TNFAIP8: variants seen among roughly 807,000 people sequenced by gnomAD.
The protein encoded by TNFAIP8 is TNF alpha induced protein 8.
In TNFAIP8, 7 loss-of-function variants were observed where a neutral mutation model predicts 13.3. That is an observed-to-expected ratio of 0.52 (90% CI 0.30 to 0.99). The LOEUF is 0.99. Ranked by LOEUF, TNFAIP8 falls within the 50% of genes least tolerant of loss-of-function variation. The pLI is 0.07. For synonymous variants in TNFAIP8, 94 were observed against 87.6 expected (o/e 1.07, Z -0.41); for missense variants, 258 against 236.9 (o/e 1.09, Z -0.58).
chr5:119,387,576 T>A (rs931783680), intron 1 of TNFAIP8, among the ~76,000 whole-genome samples: 4 of 152,242 alleles, frequency 2.6e-5, no homozygotes, highest in African/African-American at 9.6e-5. Flanking sequence ...GGCATTTTTG[T>A]TAATTTTCAT....
intron 1 of TNFAIP8, among the ~76,000 whole-genome samples, chr5:119,345,523 TAAA>T (rs1750869299): frequency 6.6e-6 from 1 of 152,098 alleles, no homozygotes; most frequent in Non-Finnish European, 1.5e-5. Context: ...CACCCAGCCT[TAAA>T]AAGGAAGAAA....
At chr5:119,302,293 A>G (rs1749420305) in intron 1 of TNFAIP8, among the ~76,000 whole-genome samples, 1 of 152,226 alleles carries the variant, frequency 6.6e-6, no homozygotes. Context: ...ACCTCAAGAA[A>G]CTTACATTCC....
intron 1 of TNFAIP8, among the ~76,000 whole-genome samples, chr5:119,349,782 G>C (rs1473398018): frequency 6.6e-6 from 1 of 152,238 alleles, no homozygotes. Context: ...CAAGTCATTT[G>C]AACAGAGAGA....
chr5:119,309,905 A>G (rs2112668318), intron 1 of TNFAIP8, among the ~76,000 whole-genome samples: 1 of 152,316 alleles, frequency 6.6e-6, no homozygotes, highest in East Asian at 1.9e-4. Context: ...TAGTCAAGTC[A>G]TTTGCTTCTT....
chr5:119,351,801 T>A (rs1468463991), upstream of TNFAIP8, among the ~76,000 whole-genome samples: 2 of 149,804 alleles, frequency 1.3e-5, no homozygotes, highest in African/African-American at 5.0e-5. Flanking sequence ...TTTTTCTTTT[T>A]TTTTTTGAGA....
intron 1 of TNFAIP8, among the ~76,000 whole-genome samples, chr5:119,271,044 C>T (rs191176903): frequency 1.3e-5 from 2 of 152,266 alleles, no homozygotes; most frequent in East Asian, 1.9e-4. Context: ...TATTGCTAGA[C>T]ATAGTCTTTG....
chr5:119,296,805 C>T (rs1172994181), intron 1 of TNFAIP8, among the ~76,000 whole-genome samples: 1 of 151,912 alleles, frequency 6.6e-6, no homozygotes, highest in Non-Finnish European at 1.5e-5. Flanking sequence ...AATTTCAGAG[C>T]CTGTTATTGG....
At chr5:119,309,274 A>C (rs1194802442) in intron 1 of TNFAIP8, among the ~76,000 whole-genome samples, 1 of 152,236 alleles carries the variant, frequency 6.6e-6, no homozygotes, top group Non-Finnish European at 1.5e-5. Flanking sequence ...GTGCCTCTGC[A>C]TCTCTGAATG....
chr5:119,326,039 T>C (rs890057024), intron 1 of TNFAIP8, among the ~76,000 whole-genome samples: 1 of 152,218 alleles, frequency 6.6e-6, no homozygotes, highest in Non-Finnish European at 1.5e-5. Context: ...TTTTTCCCAC[T>C]GAATGTCAGT....
chr5:119,293,235 G>C (rs559421781), intron 1 of TNFAIP8, among the ~76,000 whole-genome samples: 1 of 151,928 alleles, frequency 6.6e-6, no homozygotes, highest in South Asian at 2.1e-4. Context: ...TACTCTTCTA[G>C]TAGTTTTCAA....
intron 1 of TNFAIP8, among the ~76,000 whole-genome samples, chr5:119,363,083 A>G (rs1751695744): frequency 6.6e-6 from 1 of 152,206 alleles, no homozygotes; most frequent in South Asian, 2.1e-4. Context: ...AGAGAGGTAG[A>G]TGGAACCAAT....
intron 1 of TNFAIP8, among the ~76,000 whole-genome samples, chr5:119,331,260 G>A (rs1750370087): frequency 6.7e-6 from 1 of 150,278 alleles, no homozygotes; most frequent in Non-Finnish European, 1.5e-5. Context: ...TAAACATAAG[G>A]CTATTCTGTA....
rs769061907 is a variant in TNFAIP8 at position 119,268,931 on chromosome 5, G to C, written c.1+24G>C. ...GAGTAAGTGGCTCCTGGGCGCGCCC[G>C]TCCCGCGCACACTCCAGCGCGCCTC... On this transcript the variant is annotated intron_variant, in intron 1 of 1. Coordinates refer to the TNFAIP8 transcript ENST00000274456. The C allele has an allele frequency of 5.4e-5, 38 of 697,410 alleles. 1 individual carries two copies. In the South Asian group the frequency reaches 5.5e-4, roughly 10 times the overall value. The allele number at this position is 697,410 out of a possible 1,614,324, so 43.2% of individuals were successfully genotyped here. A position where few individuals can be genotyped will look rare whatever the true frequency, so the allele number is the denominator to read the frequency against.
At chr5:119,342,385 T>C (rs920427373) in intron 1 of TNFAIP8, among the ~76,000 whole-genome samples, 1 of 152,232 alleles carries the variant, frequency 6.6e-6, no homozygotes, top group African/African-American at 2.4e-5. Flanking sequence ...ACGAAAATTC[T>C]TGCAAATGTG....
At chr5:119,322,051 CTTCCCTATAGATTG>C (rs1581603148) in intron 1 of TNFAIP8, among the ~76,000 whole-genome samples, 3 of 152,296 alleles carry the variant, frequency 2.0e-5, no homozygotes. Context: ...CTGGAAGCCC[CTTCCCTATAGATTG>C]TTCCTTGGCT....
chr5:119,331,251 A>G (rs1229171298), intron 1 of TNFAIP8, among the ~76,000 whole-genome samples: 1 of 145,250 alleles, frequency 6.9e-6, no homozygotes, highest in South Asian at 2.2e-4. Flanking sequence ...TTTTTTTTTT[A>G]AACATAAGGC....
intron 1 of TNFAIP8, among the ~76,000 whole-genome samples, chr5:119,371,993 C>T (rs1017208362): frequency 1.3e-5 from 2 of 151,878 alleles, no homozygotes; most frequent in Admixed American, 6.6e-5. Flanking sequence ...AAAAATTAGC[C>T]GGGCGTGGTG....
intron 1 of TNFAIP8, among the ~76,000 whole-genome samples, chr5:119,376,971 T>G (rs1055166989): frequency 6.6e-6 from 1 of 152,238 alleles, no homozygotes; most frequent in Admixed American, 6.5e-5. Flanking sequence ...CACATTTCAT[T>G]TTTCTTTTAG....
At chr5:119,367,347 A>G (rs1413572427) in intron 1 of TNFAIP8, among the ~76,000 whole-genome samples, 3 of 152,102 alleles carry the variant, frequency 2.0e-5, no homozygotes, top group Non-Finnish European at 4.4e-5. Context: ...GTCTTAGGCA[A>G]TTTTCTAAAT....
Sources: allele counts gnomAD v4.1 joint callset (sites outside exome capture counted in the v4.1 genomes callset), GRCh38; gene constraint gnomAD v4.1.1; transcripts MANE v1.5; gene names NCBI Gene and HGNC (gene_info 2026-07-23, HGNC 2026-07-21).